The following NALF1 variants were observed in gnomAD, a reference collection of about 807,000 sequenced individuals.
NALF1 encodes the protein family with sequence similarity 155 member A.
A neutral mutation model predicts 48.4 loss-of-function variants in NALF1; 3 were observed. That is an observed-to-expected ratio of 0.06 (90% CI 0.03 to 0.16). NALF1 has a LOEUF of 0.16. Ranked by LOEUF, NALF1 falls within the 10% of genes least tolerant of loss-of-function variation. The pLI, the probability that NALF1 is intolerant of heterozygous loss-of-function variation, is 1.00. For synonymous variants in NALF1, 262 were observed against 245.7 expected, an observed-to-expected ratio of 1.07 and a Z score of -0.62; for missense variants, 526 against 571.5, an observed-to-expected ratio of 0.92 and a Z score of 0.81.
intron 1 of NALF1, among the ~76,000 whole-genome samples, chr13:107,223,340 A>AT (rs543910021): frequency 0.013 from 1,996 of 150,930 alleles, 34 homozygotes; most frequent in African/African-American, 0.044. Context: ...TTAATAACTC[A>AT]TTTTTTTTTG....
intron 1 of NALF1, among the ~76,000 whole-genome samples, chr13:107,530,519 TA>T (rs1876593447): frequency 1.3e-5 from 2 of 152,152 alleles, no homozygotes; most frequent in South Asian, 4.1e-4. Flanking sequence ...AGATTTTTTT[TA>T]AATGACAAGA....
Position 107,227,004 on chromosome 13 carries a change from A to G in NALF1, c.916-16249T>C, listed in dbSNP as rs533349074. On this transcript the variant is annotated intron_variant, in intron 1 of 2. Coordinates refer to ENST00000375915, the MANE Select transcript of NALF1 (RefSeq NM_001080396.3). ...CTTCATTTGTTGCTATACATATTGTATCCAGACATTCTTGCACTATCTTAT... is the reference window on the plus strand; with the variant it reads ...CTTCATTTGTTGCTATACATATTGTGTCCAGACATTCTTGCACTATCTTAT... Among the ~76,000 whole-genome samples, 5 of 152,366 alleles carry G rather than the reference A, an allele frequency of 3.3e-5. No homozygotes were observed. The South Asian group carries it at 8.3e-4, about 25-fold the overall frequency.
intron 1 of NALF1, among the ~76,000 whole-genome samples, chr13:107,733,189 T>C (rs929779575): frequency 6.6e-6 from 1 of 152,208 alleles, no homozygotes; most frequent in African/African-American, 2.4e-5. Context: ...ATTAACATTT[T>C]AGCATTTATG....
At chr13:107,492,415 G>T (rs562800211) in intron 1 of NALF1, among the ~76,000 whole-genome samples, 1 of 152,154 alleles carries the variant, frequency 6.6e-6, no homozygotes, top group East Asian at 1.9e-4. Flanking sequence ...CCAGATTGAT[G>T]GTCTACGAAC....
At chr13:107,739,668 T>C (rs935099120) in intron 1 of NALF1, among the ~76,000 whole-genome samples, 1 of 152,112 alleles carries the variant, frequency 6.6e-6, no homozygotes, top group Non-Finnish European at 1.5e-5. Flanking sequence ...CTGAACTCTA[T>C]AGTGGAGGAA....
intron 1 of NALF1, among the ~76,000 whole-genome samples, chr13:107,541,885 T>C (rs1474258624): frequency 1.3e-5 from 2 of 152,056 alleles, no homozygotes; most frequent in Non-Finnish European, 2.9e-5. Context: ...CAGAGTTCTA[T>C]ATACTTTGCC....
intron 1 of NALF1, among the ~76,000 whole-genome samples, chr13:107,787,134 T>A (rs1878098976): frequency 6.6e-6 from 1 of 152,230 alleles, no homozygotes; most frequent in Non-Finnish European, 1.5e-5. Flanking sequence ...ATTACTCTTT[T>A]AAGATAATAT....
At chr13:107,305,663 G>A (rs1433212843) in intron 1 of NALF1, among the ~76,000 whole-genome samples, 3 of 152,132 alleles carry the variant, frequency 2.0e-5, no homozygotes, top group Non-Finnish European at 4.4e-5. Context: ...ATACTATACA[G>A]CCATAAAAAG....
At chr13:107,216,885 G>C (rs967124949) in intron 1 of NALF1, among the ~76,000 whole-genome samples, 1 of 152,148 alleles carries the variant, frequency 6.6e-6, no homozygotes, top group African/African-American at 2.4e-5. Context: ...TGTACAGAAG[G>C]TGAAAAGCAG....
intron 1 of NALF1, among the ~76,000 whole-genome samples, chr13:107,272,148 C>T (rs75813262): frequency 0.029 from 4,412 of 150,254 alleles, 71 homozygotes; most frequent in Middle Eastern, 0.056. Flanking sequence ...CACACTGGTA[C>T]GTATATAAAA....
At chr13:107,460,062 A>G (rs1007448542) in intron 1 of NALF1, among the ~76,000 whole-genome samples, 1 of 152,218 alleles carries the variant, frequency 6.6e-6, no homozygotes, top group African/African-American at 2.4e-5. Context: ...TATTTCTGAC[A>G]TTCTTTCTGT....
chr13:107,685,988 A>G (rs982026192), intron 1 of NALF1, among the ~76,000 whole-genome samples: 1 of 152,270 alleles, frequency 6.6e-6, no homozygotes, highest in Non-Finnish European at 1.5e-5. Flanking sequence ...AATATCATTT[A>G]CGATGGTGCC....
In NALF1 at chr13:107,732,230, T is replaced by C. The variant is rs559857246; in HGVS notation, c.915+133452A>G. 2.2e-4 allele frequency among the ~76,000 whole-genome samples: 34 copies of C among 152,136 alleles called. No individual in the cohort carries two copies. The South Asian group carries it at 6.6e-3, about 30-fold the overall frequency. On this transcript the variant is annotated intron_variant, in intron 1 of 2. Transcript: ENST00000375915. ...TATACTGTATACTACATGCATCCTC[T>C]ATATACTATATACCATATATATGCT...
intron 1 of NALF1, among the ~76,000 whole-genome samples, chr13:107,477,560 G>C (rs1885192100): frequency 6.6e-6 from 1 of 151,966 alleles, no homozygotes; most frequent in Admixed American, 6.6e-5. Context: ...ATCTTCTTGT[G>C]ATCTTCCTTA....
chr13:107,550,920 G>A (rs1462238502), intron 1 of NALF1, among the ~76,000 whole-genome samples: 1 of 151,006 alleles, frequency 6.6e-6, no homozygotes, highest in African/African-American at 2.4e-5. Context: ...AAAACTTATT[G>A]TTTGTGCTGT....
intron 1 of NALF1, among the ~76,000 whole-genome samples, chr13:107,259,717 T>C (rs1880893599): frequency 6.6e-6 from 1 of 152,212 alleles, no homozygotes; most frequent in African/African-American, 2.4e-5. Flanking sequence ...AGAGGAGGCA[T>C]ATATAGTTAT....
intron 1 of NALF1, among the ~76,000 whole-genome samples, chr13:107,601,386 T>C (rs2147175): frequency 0.55 from 84,266 of 152,034 alleles, 23,824 homozygotes; most frequent in African/African-American, 0.65. Flanking sequence ...GACATTGGGC[T>C]GAGAGATGGA....
chr13:107,778,582 A>T (rs1329134645), intron 1 of NALF1, among the ~76,000 whole-genome samples: 1 of 151,842 alleles, frequency 6.6e-6, no homozygotes, highest in Non-Finnish European at 1.5e-5. Context: ...TTAAAACAGG[A>T]GTTGTTTTTT....
At chr13:107,285,867 G>GA (rs1367448169) in intron 1 of NALF1, among the ~76,000 whole-genome samples, 1 of 151,514 alleles carries the variant, frequency 6.6e-6, no homozygotes, top group Non-Finnish European at 1.5e-5. Context: ...CTGAATAATA[G>GA]AAAAAAAAGT....
Sources: allele counts gnomAD v4.1 joint callset (sites outside exome capture counted in the v4.1 genomes callset), GRCh38; gene constraint gnomAD v4.1.1; transcripts MANE v1.5; gene names NCBI Gene and HGNC (gene_info 2026-07-23, HGNC 2026-07-21).